Variants in TSNARE1 observed in about 807,000 individuals in gnomAD.
TSNARE1 encodes the protein t-SNARE domain-containing protein 1.
In TSNARE1, 49 loss-of-function variants were observed where a neutral mutation model predicts 62.0. The ratio of observed to expected loss-of-function variants is 0.79; its 90% CI spans 0.63 to 1.00. The LOEUF (loss-of-function observed/expected upper bound fraction) is 1.00, where lower values mean the gene tolerates loss of function less well. TSNARE1 is among the 50% of genes least tolerant of loss of function. The pLI is 0.00. For missense variants in TSNARE1, 755 were observed against 700.1 expected, an observed-to-expected ratio of 1.08 and a Z score of -0.88; for synonymous variants, 328 against 294.4, an observed-to-expected ratio of 1.11 and a Z score of -1.17.
intron 12 of TSNARE1, among the ~76,000 whole-genome samples, chr8:142,242,866 G>A (rs1284038411): frequency 6.9e-6 from 1 of 145,608 alleles, no homozygotes; most frequent in Non-Finnish European, 1.5e-5. Context: ...GGAGGCTGAA[G>A]CAGGAGAATT....
chr8:142,399,933 G>A (rs755589265), intron 1 of TSNARE1, among the ~76,000 whole-genome samples: 1 of 152,176 alleles, frequency 6.6e-6, no homozygotes, highest in Non-Finnish European at 1.5e-5. Flanking sequence ...CATGACTCAC[G>A]CTGGGAATCC....
At chr8:142,362,529 G>A (rs1013486405) in intron 1 of TSNARE1, among the ~76,000 whole-genome samples, 1 of 152,152 alleles carries the variant, frequency 6.6e-6, no homozygotes, top group Admixed American at 6.5e-5. Context: ...TGGTTCTGGG[G>A]GCTGGGAAGT....
intron 12 of TSNARE1, among the ~76,000 whole-genome samples, chr8:142,233,326 T>C (rs1205741203): frequency 1.3e-5 from 2 of 152,084 alleles, no homozygotes; most frequent in Non-Finnish European, 2.9e-5. Context: ...AAGCGGGGTT[T>C]TTGGACGGGT....
At chr8:142,240,230 T>TA (rs1817616306) in intron 12 of TSNARE1, among the ~76,000 whole-genome samples, 1 of 152,214 alleles carries the variant, frequency 6.6e-6, no homozygotes, top group Admixed American at 6.5e-5. Flanking sequence ...GGATTTAAGA[T>TA]AAAAAGCATT....
intron 10 of TSNARE1, among the ~76,000 whole-genome samples, chr8:142,294,248 G>A (rs1824297655): frequency 1.3e-5 from 2 of 152,064 alleles, no homozygotes; most frequent in African/African-American, 2.4e-5. Flanking sequence ...TGGGAGAATC[G>A]AAGGGCATGA....
chr8:142,283,941 G>C (rs992544598), intron 11 of TSNARE1, among the ~76,000 whole-genome samples: 4 of 143,290 alleles, frequency 2.8e-5, no homozygotes, highest in Admixed American at 1.4e-4. Flanking sequence ...ACCAGGTTCT[G>C]TCAATGAGCA....
intron 11 of TSNARE1, among the ~76,000 whole-genome samples, chr8:142,279,368 G>A (rs1435386556): frequency 6.6e-6 from 1 of 152,208 alleles, no homozygotes. Context: ...GCCTTGGAGG[G>A]CACCAGGGCA....
intron 1 of TSNARE1, chr8:142,365,997 G>A: frequency 2.4e-6 from 1 of 410,976 alleles, no homozygotes; most frequent in South Asian, 1.8e-5. Flanking sequence ...TTTCCAATGT[G>A]CCAAAAATTG....
chr8:142,221,189 G>A (rs530314668), intron 13 of TSNARE1, among the ~76,000 whole-genome samples: 32 of 152,320 alleles, frequency 2.1e-4, no homozygotes, highest in African/African-American at 6.3e-4. Flanking sequence ...GCGCTGTGGC[G>A]AGGAGTCAGT....
intron 13 of TSNARE1, among the ~76,000 whole-genome samples, chr8:142,214,597 C>T (rs1815741382): frequency 6.6e-6 from 1 of 152,160 alleles, no homozygotes; most frequent in African/African-American, 2.4e-5. Flanking sequence ...CTCGGTGAGG[C>T]CTGTTTAAAA....
intron 11 of TSNARE1, among the ~76,000 whole-genome samples, chr8:142,282,406 T>C (rs1328860936): frequency 6.7e-6 from 1 of 148,822 alleles, no homozygotes; most frequent in East Asian, 1.9e-4. Context: ...ATGATCAGGG[T>C]GGGGCCAGTG....
chr8:142,229,713 C>A, intron 12 of TSNARE1, 134 bp from the exon 13 acceptor site: 2 of 701,686 alleles, frequency 2.9e-6, no homozygotes, highest in Admixed American at 4.3e-5. Context: ...CCAGAGAGAA[C>A]CTGTGTCTTT....
intron 7 of TSNARE1, among the ~76,000 whole-genome samples, chr8:142,317,116 G>T (rs1828647339): frequency 6.6e-6 from 1 of 151,568 alleles, no homozygotes. Context: ...GCGTGAAGTG[G>T]GTACGACCAG....
At chr8:142,344,626 G>C (rs953627305) in intron 3 of TSNARE1, among the ~76,000 whole-genome samples, 154 bp from the exon 4 acceptor site, 2 of 152,230 alleles carry the variant, frequency 1.3e-5, no homozygotes, top group African/African-American at 4.8e-5. Flanking sequence ...GGTGTCCAGA[G>C]ACCTGGGCCC....
chr8:142,373,726 C>T (rs1399276013), intron 1 of TSNARE1, among the ~76,000 whole-genome samples: 2 of 151,896 alleles, frequency 1.3e-5, no homozygotes, highest in Non-Finnish European at 2.9e-5. Flanking sequence ...AGAGACCTGC[C>T]TGCTGCCCAT....
At chr8:142,298,193 G>A (rs1018803178) in intron 10 of TSNARE1, among the ~76,000 whole-genome samples, 3 of 152,374 alleles carry the variant, frequency 2.0e-5, no homozygotes, top group Middle Eastern at 3.4e-3. Context: ...TCCCGCCCTG[G>A]CCCAGGCCTC....
intron 6 of TSNARE1, among the ~76,000 whole-genome samples, chr8:142,328,314 A>G (rs376344685): frequency 2.8e-4 from 42 of 152,292 alleles, no homozygotes; most frequent in Middle Eastern, 3.4e-3. Context: ...AAACATGCTC[A>G]AGCATGTCCC....
At position 142,319,580 on chromosome 8, in the gene TSNARE1, G is replaced by C. The variant is rs1472459092; in HGVS notation, c.894-946C>G. Among the ~76,000 whole-genome samples, 1 of 152,096 alleles carries C rather than the reference G, an allele frequency of 6.6e-6. No individual in the cohort carries two copies. Among genetic ancestry groups the C allele is most frequent in the Non-Finnish European group, 1.5e-5 (1 of 67,996 alleles). ...GAGGACCCTGGCCTGCTGGAAACTG[G>C]GGAGCCTCAGTGACCCTTTCAAGTA... On this transcript the variant is annotated intron_variant, in intron 6 of 13. Coordinates refer to ENST00000524325, the MANE Select transcript of TSNARE1 (RefSeq NM_145003.5). The surrounding 1 kb of genome is among the most constrained non-coding windows in gnomAD (Gnocchi z 4.9).
chr8:142,328,689 C>T (rs1316881030), intron 6 of TSNARE1, among the ~76,000 whole-genome samples: 6 of 152,172 alleles, frequency 3.9e-5, no homozygotes, highest in Admixed American at 6.5e-5. Context: ...CAGATCGTGA[C>T]GGCCCCCAGG....
Sources: allele counts gnomAD v4.1 joint callset (sites outside exome capture counted in the v4.1 genomes callset), GRCh38; gene constraint gnomAD v4.1.1; non-coding constraint Gnocchi (gnomAD v3.1); transcripts MANE v1.5; gene names NCBI Gene and HGNC (gene_info 2026-07-23, HGNC 2026-07-21).